Variants in TRIM34 observed in about 807,000 individuals in gnomAD.
TRIM34 encodes E3 ubiquitin-protein ligase TRIM34.
Under a neutral mutation model 38.1 loss-of-function variants are expected in TRIM34, and 41 were observed. That is an observed-to-expected ratio of 1.08 (90% CI 0.84 to 1.40). The LOEUF (loss-of-function observed/expected upper bound fraction) is 1.40. TRIM34 is among the 40% of genes most tolerant of loss of function. TRIM34 has a pLI of 0.00. For synonymous variants in TRIM34, 200 were observed against 202.5 expected, an observed-to-expected ratio of 0.99 and a Z score of 0.10; for missense variants, 556 against 571.4, an observed-to-expected ratio of 0.97 and a Z score of 0.27.
At chr11:5,632,823 T>A in intron 2 of TRIM34, 69 bp downstream of exon 2, 4 of 121,382 alleles carry the variant, frequency 3.3e-5, no homozygotes, top group Non-Finnish European at 5.5e-5. Flanking sequence ...CTTTTCATCC[T>A]TTTTTTTTTT....
chr11:5,634,015 G>C lies in TRIM34; in HGVS notation c.519+116G>C, dbSNP rs552389013. 1.1e-5 allele frequency: 12 copies of C among 1,107,798 alleles called. No individual in the cohort carries two copies. In the Middle Eastern group the frequency reaches 6.1e-4, roughly 56 times the overall value. 68.6% of individuals were successfully genotyped at this position (1,107,798 alleles called of 1,614,324 possible). On this transcript the variant is annotated intron_variant, in intron 3 of 7. Coordinates refer to ENST00000429814, the MANE Select transcript of TRIM34 (RefSeq NM_021616.6). ...CATGAGTCCTGAAGCCATTTGATTA[G>C]TTCTCTTCTCTGTCCTGTCCCTGTT...
rs1446491437 is a variant in TRIM34, at chr11:5,632,337, T to C, written c.6T>C (p.Ala2=). The C allele has an allele frequency of 1.2e-6, 2 of 1,614,050 alleles. No individual in the cohort carries two copies. The highest frequency in any genetic ancestry group is 1.7e-6 in the Non-Finnish European group (2 of 1,180,010). Residue 2 remains alanine, a synonymous_variant, in exon 2 of 8, where the codon GCT becomes GCC. Coordinates refer to ENST00000429814, the MANE Select transcript of TRIM34 (RefSeq NM_021616.6). The part of the protein sequence containing the change: M[A]SKILLNVQEE... ...GAAGCCAGGGAAGCAGTGCAATGGC[T>C]TCAAAAATCTTGCTTAACGTACAAG...
rs1360343744 is a variant in TRIM34 at position 5,643,332 on chromosome 11, G to A, written c.1090G>A (p.Gly364Arg). The part of the protein sequence containing the change: ...DVSKKTAWIL[G>R]VYCRTYSRHM... ...GTCCAAGAAAACTGCCTGGATCCTG[G>A]GGGTATACTGTAGAACATATTCCCG... The change falls in exon 8 of 8, where the codon GGG becomes AGG. Residue 364 changes from glycine to arginine, a missense_variant. Gly to Arg is a moderately radical substitution (Grantham distance 125). Coordinates refer to ENST00000429814, the MANE Select transcript of TRIM34 (RefSeq NM_021616.6). The A allele has an allele frequency of 1.2e-6, 2 of 1,613,844 alleles. No individual in the cohort carries two copies. Among genetic ancestry groups the A allele is most frequent in the Non-Finnish European group, 1.7e-6 (2 of 1,179,940 alleles).
upstream of TRIM34, among the ~76,000 whole-genome samples, chr11:5,620,276 C>G (rs940357392): frequency 7.4e-6 from 1 of 134,706 alleles, no homozygotes. Flanking sequence ...CTCCTGGGTT[C>G]TATGGATTCT....
upstream of TRIM34, among the ~76,000 whole-genome samples, chr11:5,624,202 G>A (rs968471720): frequency 2.6e-5 from 4 of 152,180 alleles, no homozygotes; most frequent in African/African-American, 4.8e-5. Flanking sequence ...CCTCAGATTC[G>A]CGTAAAAATT....
chr11:5,628,252 G>GC (rs1206260737), intron 1 of TRIM34, among the ~76,000 whole-genome samples: 3 of 152,336 alleles, frequency 2.0e-5, no homozygotes, highest in East Asian at 1.9e-4. Context: ...CTCTCCTGGA[G>GC]CCCCCCGGTA....
chr11:5,628,534 T>C (rs755712496), intron 1 of TRIM34, among the ~76,000 whole-genome samples: 1 of 152,152 alleles, frequency 6.6e-6, no homozygotes, highest in Non-Finnish European at 1.5e-5. Context: ...CTTAAGGTCT[T>C]TTGATGGATG....
chr11:5,642,476 G>C lies in TRIM34; in HGVS notation c.844G>C (p.Asp282His), dbSNP rs3740997. ...KKLKTVFHAP[D>H]LSRMLQMFRE... Reference sequence around the variant, plus strand: ...ACTGAAGACTGTATTCCATGCTCCAGATCTGAGTAGGATGCTGCAAATGTT... The same window carrying C: ...ACTGAAGACTGTATTCCATGCTCCACATCTGAGTAGGATGCTGCAAATGTT... The change falls in exon 6 of 8, where the codon GAT (aspartate) becomes CAT (histidine). Residue 282 changes from aspartate (D) to histidine (H), a missense_variant. Transcript: ENST00000429814. 52,430 of 1,613,948 alleles carry C rather than the reference G, an allele frequency of 0.032. 1,507 individuals are homozygous for C. Among genetic ancestry groups the C allele is most frequent in the Admixed American group, 0.11 (6,765 of 59,990 alleles).
At chr11:5,642,548 T>C (rs750561606) in intron 6 of TRIM34, 42 bp downstream of exon 6, 8 of 1,605,148 alleles carry the variant, frequency 5.0e-6, no homozygotes, top group Non-Finnish European at 5.1e-6. Context: ...GGGATTGTTG[T>C]GGTGTCAGGT....
At chr11:5,622,612 C>G (rs1333954929), upstream of TRIM34, among the ~76,000 whole-genome samples, 1 of 145,148 alleles carries the variant, frequency 6.9e-6, no homozygotes, top group Non-Finnish European at 1.5e-5. Context: ...GAACGAAACT[C>G]CATCTCAAAA....
chr11:5,642,456 AG>A lies in TRIM34; in HGVS notation c.825del (p.Thr276LeufsTer8), dbSNP rs757590575. On this transcript the variant is annotated frameshift_variant, in exon 6 of 8. Transcript: ENST00000429814. LOFTEE classifies it high-confidence loss of function. Reference protein sequence around the residue: ...KKPKMVSKKLKTVFHAPDLSR... With the variant: ...KKPKMVSKKLXTVFHAPDLSR... Reference sequence around the variant, plus strand: ...CCAAAAATGGTTTCCAAGAAACTGAAGACTGTATTCCATGCTCCAGATCTGA... The same window carrying A: ...CCAAAAATGGTTTCCAAGAAACTGAAACTGTATTCCATGCTCCAGATCTGA... The A allele has an allele frequency of 5.5e-5, 88 of 1,613,862 alleles. No homozygotes were observed. Among genetic ancestry groups the A allele is most frequent in the Non-Finnish European group, 6.9e-5 (82 of 1,180,004 alleles).
Position 5,639,138 on chromosome 11 carries a change from A to G in TRIM34, c.751-2029A>G, listed in dbSNP as rs187894760. 1.8e-3 allele frequency among the ~76,000 whole-genome samples: 278 copies of G among 152,264 alleles called. 2 individuals are homozygous for G. The highest frequency in any genetic ancestry group is 6.5e-3 in the African/African-American group (271 of 41,544). ...CAGACTTTAAGGTATGAGAAAACCCAGGCAGGGTCTTTAAAGGGTTTGTTT... is the reference window on the plus strand; with the variant it reads ...CAGACTTTAAGGTATGAGAAAACCCGGGCAGGGTCTTTAAAGGGTTTGTTT... On this transcript the variant is annotated intron_variant, in intron 4 of 7. Transcript: ENST00000429814.
At chr11:5,640,508 C>T (rs1288459494) in intron 4 of TRIM34, among the ~76,000 whole-genome samples, 1 of 151,820 alleles carries the variant, frequency 6.6e-6, no homozygotes, top group Non-Finnish European at 1.5e-5. Context: ...CAGGTATAAT[C>T]TTTTTGCTGG....
At chr11:5,642,931 A>G (rs922543741) in intron 7 of TRIM34, 88 bp downstream of exon 7, 3 of 1,560,394 alleles carry the variant, frequency 1.9e-6, no homozygotes, top group Non-Finnish European at 2.6e-6. Context: ...TCTTAGCCTC[A>G]TGCATTCTCA....
chr11:5,640,115 T>C (rs1038535220), intron 4 of TRIM34, among the ~76,000 whole-genome samples: 9 of 152,228 alleles, frequency 5.9e-5, no homozygotes, highest in African/African-American at 2.2e-4. Context: ...TTTTATTTGT[T>C]TTCTGTGACT....
At chr11:5,633,681 C>T (rs556747178) in intron 2 of TRIM34, 123 bp from the exon 3 acceptor site, 4 of 913,176 alleles carry the variant, frequency 4.4e-6, no homozygotes. Flanking sequence ...ATTCTAATCA[C>T]CAGCTTCACA....
chr11:5,631,494 G>A (rs940575259), intron 1 of TRIM34, among the ~76,000 whole-genome samples: 1 of 152,154 alleles, frequency 6.6e-6, no homozygotes, highest in Non-Finnish European at 1.5e-5. Flanking sequence ...TTGGAAGGAG[G>A]AACAAACAGG....
intron 1 of TRIM34, among the ~76,000 whole-genome samples, chr11:5,630,671 C>T (rs1849448039): frequency 6.6e-6 from 1 of 152,170 alleles, no homozygotes; most frequent in South Asian, 2.1e-4. Context: ...TAAACTCTTA[C>T]TTATCCAAGC....
chr11:5,634,702 G>T lies in TRIM34; in HGVS notation c.591G>T (p.Glu197Asp). The T allele has an allele frequency of 6.2e-7, 1 of 1,614,094 alleles. No individual in the cohort carries two copies. Among genetic ancestry groups the T allele is most frequent in the Non-Finnish European group, 8.5e-7 (1 of 1,180,008 alleles). ...FDQLRSILNNEEQRELQRLEE... is the reference protein window; with the variant it reads ...FDQLRSILNNDEQRELQRLEE... ...AGCTTAGAAGCATCCTAAATAATGA[G>T]GAGCAGAGAGAGCTGCAAAGATTGG... is the stretch of plus-strand genomic sequence containing the variant. The change falls in exon 4 of 8, where the codon GAG (glutamate) becomes GAT (aspartate). Residue 197 changes from glutamate (E) to aspartate (D), a missense_variant. Glu to Asp is a conservative substitution (Grantham distance 45). Transcript: ENST00000429814.
Sources: gnomAD v4.1 joint callset for allele counts (sites outside exome capture counted in the v4.1 genomes callset) on GRCh38, gnomAD v4.1.1 for gene constraint, MANE v1.5 for transcripts, NCBI Gene and HGNC (gene_info 2026-07-23, HGNC 2026-07-21) for gene names.